Variants in TMEM74 observed in about 807,000 individuals in gnomAD.
TMEM74 encodes the protein transmembrane protein 74.
TMEM74 carries 13 observed loss-of-function variants against 18.1 expected under a neutral mutation model. The ratio of observed to expected loss-of-function variants is 0.72; its 90% CI spans 0.47 to 1.14. TMEM74 has a LOEUF of 1.14. Ranked by LOEUF, TMEM74 falls within the 50% of genes most tolerant of loss-of-function variation. TMEM74 has a pLI of 0.00. For missense variants in TMEM74, 372 were observed against 375.9 expected, an observed-to-expected ratio of 0.99 and a Z score of 0.09; for synonymous variants, 159 against 146.6, an observed-to-expected ratio of 1.08 and a Z score of -0.61.
chr8:108,681,128 G>A (rs1813109914), intron 1 of TMEM74, among the ~76,000 whole-genome samples: 2 of 152,104 alleles, frequency 1.3e-5, no homozygotes, highest in Non-Finnish European at 2.9e-5. Context: ...TCCCCATTAA[G>A]CTACCAATGA....
chr8:108,674,558 C>T (rs976558830), intron 1 of TMEM74, among the ~76,000 whole-genome samples: 4 of 152,196 alleles, frequency 2.6e-5, no homozygotes, highest in African/African-American at 9.7e-5. Flanking sequence ...ATGTATTACT[C>T]CATGGAAGCT....
At chr8:108,621,027 A>G (rs3019381) in intron 2 of TMEM74, among the ~76,000 whole-genome samples, 33,144 of 151,954 alleles carry the variant, frequency 0.22, 3,614 homozygotes, top group East Asian at 0.27. Flanking sequence ...TAGAGTTGGC[A>G]TCAAGGAAAC....
intron 1 of TMEM74, among the ~76,000 whole-genome samples, chr8:108,755,271 A>C (rs1363455758): frequency 2.0e-5 from 3 of 152,060 alleles, no homozygotes; most frequent in Non-Finnish European, 2.9e-5. Flanking sequence ...CCAAATGAGA[A>C]AGCAGCCTGG....
chr8:108,691,090 T>A (rs1813223000), intron 1 of TMEM74, among the ~76,000 whole-genome samples: 1 of 152,212 alleles, frequency 6.6e-6, no homozygotes, highest in Admixed American at 6.5e-5. Flanking sequence ...GCTGCTTCTG[T>A]TGCTGCTATG....
intron 2 of TMEM74, among the ~76,000 whole-genome samples, chr8:108,638,056 C>T (rs145618426): frequency 9.4e-4 from 143 of 152,212 alleles, no homozygotes; most frequent in African/African-American, 3.3e-3. Context: ...CAAATGCTGA[C>T]TGCACTTCTA....
rs142264908 is a variant in TMEM74 at position 108,647,073 on chromosome 8, A to G, written n.264+8220T>C. Among the ~76,000 whole-genome samples the G allele has an allele frequency of 7.6e-3, 1,150 of 152,120 alleles. 40 individuals are homozygous for G. Among genetic ancestry groups the G allele is most frequent in the Admixed American group, 0.063 (958 of 15,252 alleles). The stretch of plus-strand genomic sequence containing the variant: ...TTTTAATTCCTTAATTCCACTGGCA[A>G]TTTGGAGTGGTCTGCTTACTCATGT... On this transcript the variant is annotated intron_variant and non_coding_transcript_variant, in intron 2 of 3. Transcript: ENST00000518838.
chr8:108,727,634 C>T (rs999871186), intron 1 of TMEM74, among the ~76,000 whole-genome samples: 15 of 152,132 alleles, frequency 9.9e-5, no homozygotes, highest in African/African-American at 3.6e-4. Context: ...GCTGGGAAAG[C>T]AGTTTGATAT....
chr8:108,756,548 AAAAGAAAG>A (rs57444896), intron 1 of TMEM74, among the ~76,000 whole-genome samples: 1,699 of 44,884 alleles, frequency 0.038, 72 homozygotes, highest in East Asian at 0.079. Context: ...CACTGTAAAG[AAAAGAAAG>A]AAAGAAAGAA....
chr8:108,720,746 A>ATTAG (rs1442919390), intron 1 of TMEM74, among the ~76,000 whole-genome samples: 44 of 139,130 alleles, frequency 3.2e-4, no homozygotes, highest in African/African-American at 1.1e-3. Flanking sequence ...TTATTTATTT[A>ATTAG]TTTATTTATT....
chr8:108,695,127 G>A (rs78618342), intron 1 of TMEM74, among the ~76,000 whole-genome samples: 4,468 of 152,284 alleles, frequency 0.029, 124 homozygotes, highest in African/African-American at 0.066. Context: ...GTCAGCACCA[G>A]CTGGCATGAG....
intron 2 of TMEM74, among the ~76,000 whole-genome samples, chr8:108,616,399 T>C (rs1158121015): frequency 6.6e-6 from 1 of 152,230 alleles, no homozygotes; most frequent in Non-Finnish European, 1.5e-5. Flanking sequence ...CAATCTGCAT[T>C]GTAGAATCCC....
chr8:108,670,811 A>C (rs190597061), intron 1 of TMEM74, among the ~76,000 whole-genome samples: 7 of 152,288 alleles, frequency 4.6e-5, no homozygotes, highest in Admixed American at 4.6e-4. Context: ...AAAAAGAAGG[A>C]AACCACAAAA....
rs76971146 is a variant in TMEM74 at position 108,650,426 on chromosome 8, C to T, written n.264+4867G>A. ...TCTGTCCCAAACTATCTATTGTGTT[C>T]TCATTTCATGCCAAGCAAAAGCCAA... On this transcript the variant is annotated intron_variant and non_coding_transcript_variant, in intron 2 of 3. Coordinates refer to the TMEM74 transcript ENST00000518838. Among the ~76,000 whole-genome samples the T allele has an allele frequency of 1.7e-4, 26 of 152,240 alleles. No individual in the cohort carries two copies. In the East Asian group the frequency reaches 4.6e-3, roughly 27 times the overall value.
chr8:108,787,171 GCTTTAAACTGA>G (rs1361240497), intron 1 of TMEM74, among the ~76,000 whole-genome samples: 1 of 152,126 alleles, frequency 6.6e-6, no homozygotes, highest in African/African-American at 2.4e-5. Context: ...ATTAATATTT[GCTTTAAACTGA>G]CACAGGCAAG....
intron 2 of TMEM74, among the ~76,000 whole-genome samples, chr8:108,622,811 A>G (rs994421160): frequency 5.3e-5 from 8 of 152,150 alleles, no homozygotes; most frequent in African/African-American, 1.4e-4. Flanking sequence ...TTTATGCTAC[A>G]TATTTCAGAA....
rs922131311 is a variant in TMEM74 at position 108,631,464 on chromosome 8, T to C, written n.265-22638A>G. 1.7e-4 allele frequency among the ~76,000 whole-genome samples: 26 copies of C among 152,184 alleles called. 1 individual carries two copies. Among genetic ancestry groups the C allele is most frequent in the Admixed American group, 1.1e-3 (17 of 15,278 alleles). On this transcript the variant is annotated intron_variant and non_coding_transcript_variant, in intron 2 of 3. Coordinates refer to the TMEM74 transcript ENST00000518838. ...AATAACTCTCCCATTTGCTTTCCAC[T>C]TGGTGTCAAAAGCACACTCAAAACA... is the stretch of plus-strand genomic sequence containing the variant.
Position 108,657,881 on chromosome 8 carries a change from T to TATATATATTAATTAC in TMEM74, n.120-2445_120-2444insGTAATTAATATATAT, listed in dbSNP as rs1554630303. 1.1e-3 allele frequency among the ~76,000 whole-genome samples: 112 copies of TATATATATTAATTAC among 98,436 alleles called. 1 individual carries two copies. The highest frequency in any genetic ancestry group is 1.4e-3 in the Admixed American group (13 of 9,042). 64.6% of individuals were successfully genotyped at this position (98,436 alleles called of 152,430 possible). On this transcript the variant is annotated intron_variant and non_coding_transcript_variant, in intron 1 of 3. Coordinates refer to the TMEM74 transcript ENST00000518838. Reference sequence around the variant, plus strand: ...AAAAATATATATATATATATATATATATATATATATATATATATATATTAA... The same window carrying TATATATATTAATTAC: ...AAAAATATATATATATATATATATATATATATATTAATTACATATATATATATATATATATATTAA...
chr8:108,647,555 TAAGTA>T (rs1812732314), intron 2 of TMEM74, among the ~76,000 whole-genome samples: 1 of 152,108 alleles, frequency 6.6e-6, no homozygotes, highest in Admixed American at 6.6e-5. Flanking sequence ...AAAGATTCAC[TAAGTA>T]AAGAAATCTA....
In TMEM74 at chr8:108,714,276, G is replaced by A. The variant is rs1298526608; in HGVS notation, n.120-58839C>T. On this transcript the variant is annotated intron_variant and non_coding_transcript_variant, in intron 1 of 3. Transcript: ENST00000518838. The stretch of plus-strand genomic sequence containing the variant: ...GTAAAAATGTATAGATATTCTAGAG[G>A]AGGACAATAACTGAATAACTGAAAT... 2.6e-5 allele frequency among the ~76,000 whole-genome samples: 4 copies of A among 152,148 alleles called. No homozygotes were observed. The East Asian group carries it at 7.7e-4, about 29-fold the overall frequency.
Sources: allele counts gnomAD v4.1 joint callset (sites outside exome capture counted in the v4.1 genomes callset), GRCh38; gene constraint gnomAD v4.1.1; transcripts MANE v1.5; gene names NCBI Gene and HGNC (gene_info 2026-07-23, HGNC 2026-07-21).